Variants in SLC13A1 observed in about 807,000 individuals in gnomAD.
The protein encoded by SLC13A1 is Na(+)/sulfate cotransporter.
SLC13A1 carries 65 observed loss-of-function variants against 70.0 expected under a neutral mutation model. The observed-to-expected ratio is 0.93, with a 90% CI of 0.76 to 1.14. The LOEUF (loss-of-function observed/expected upper bound fraction) is 1.14. SLC13A1 is among the 50% of genes most tolerant of loss of function. The pLI is 0.00. For synonymous variants in SLC13A1, 275 were observed against 250.5 expected, an observed-to-expected ratio of 1.10 and a Z score of -0.92; for missense variants, 726 against 717.8, an observed-to-expected ratio of 1.01 and a Z score of -0.13.
intron 7 of SLC13A1, among the ~76,000 whole-genome samples, chr7:123,138,657 T>C (rs1190116297): frequency 2.0e-5 from 3 of 152,192 alleles, no homozygotes; most frequent in Admixed American, 1.3e-4. Context: ...GATTTACATT[T>C]CTCTGATGAT....
chr7:123,190,410 C>T, intron 1 of SLC13A1: 1 of 351,918 alleles, frequency 2.8e-6, no homozygotes, highest in South Asian at 2.2e-5. Flanking sequence ...CTTACTCTTT[C>T]CAGAATTGTT....
chr7:123,119,234 T>A lies in SLC13A1; in HGVS notation c.1359A>T (p.Gly453=). 6.3e-7 allele frequency: 1 copy of A among 1,595,602 alleles called. No individual in the cohort carries two copies. Among genetic ancestry groups the A allele is most frequent in the East Asian group, 2.3e-5 (1 of 44,152 alleles). ...ATTTATTTCCTATCCACTTAGATAA[T>A]CCAGACTCCTAAAAAACAAATTTGC... The part of the protein sequence containing the change: ...FALADGCEES[G]LSKWIGNKLS... Residue 453 remains glycine, a synonymous_variant, in exon 13 of 15, where the codon GGA becomes GGT. Transcript: ENST00000194130.
chr7:123,121,998 C>T (rs1793397219), intron 12 of SLC13A1, among the ~76,000 whole-genome samples: 1 of 152,064 alleles, frequency 6.6e-6, no homozygotes, highest in Non-Finnish European at 1.5e-5. Flanking sequence ...TTATAGCAAA[C>T]TAGACCTCCC....
In SLC13A1 at chr7:123,186,336, G is replaced by A. The variant is rs76978285; in HGVS notation, c.100-5235C>T. 8.3e-3 allele frequency among the ~76,000 whole-genome samples: 1,266 copies of A among 152,044 alleles called. 18 individuals carry two copies. The highest frequency in any genetic ancestry group is 0.028 in the African/African-American group (1,174 of 41,456). Reference sequence around the variant, plus strand: ...CTGATGAAGAAGAAAACTACTCAGAGGTTGTGGAACTGTGTTGCAACTAAA... The same window carrying A: ...CTGATGAAGAAGAAAACTACTCAGAAGTTGTGGAACTGTGTTGCAACTAAA... On this transcript the variant is annotated intron_variant, in intron 1 of 14. Coordinates refer to ENST00000194130, the MANE Select transcript of SLC13A1 (RefSeq NM_022444.4).
chr7:123,185,859 T>C (rs1207759303), intron 1 of SLC13A1, among the ~76,000 whole-genome samples: 1 of 152,106 alleles, frequency 6.6e-6, no homozygotes, highest in East Asian at 1.9e-4. Flanking sequence ...AGTGTTATTG[T>C]AGAGTTTCCT....
intron 2 of SLC13A1, among the ~76,000 whole-genome samples, chr7:123,180,471 A>G (rs2116612624): frequency 6.6e-6 from 1 of 152,262 alleles, no homozygotes. Context: ...TAGATTGTAT[A>G]GAACAAATAA....
At chr7:123,157,700 C>G (rs558803229) in intron 6 of SLC13A1, among the ~76,000 whole-genome samples, 1 of 152,040 alleles carries the variant, frequency 6.6e-6, no homozygotes, top group East Asian at 1.9e-4. Context: ...AATCAGATTC[C>G]CATGCTAAAT....
At chr7:123,194,517 A>G (rs1403934516) in intron 1 of SLC13A1, among the ~76,000 whole-genome samples, 1 of 152,082 alleles carries the variant, frequency 6.6e-6, no homozygotes, top group Non-Finnish European at 1.5e-5. Context: ...CCATTGAAAA[A>G]TTTTGATTTT....
chr7:123,151,384 GTGTA>G (rs1021659049), intron 6 of SLC13A1, among the ~76,000 whole-genome samples: 1 of 133,502 alleles, frequency 7.5e-6, no homozygotes, highest in African/African-American at 3.2e-5. Flanking sequence ...GTGTGTGTGT[GTGTA>G]TATATATATA....
At chr7:123,174,393 A>G (rs953393070) in intron 2 of SLC13A1, among the ~76,000 whole-genome samples, 1 of 152,150 alleles carries the variant, frequency 6.6e-6, no homozygotes, top group Non-Finnish European at 1.5e-5. Context: ...CTTTGTAGTT[A>G]ATGTAAACAT....
chr7:123,118,971 G>C, intron 13 of SLC13A1, 110 bp downstream of exon 13: 1 of 852,210 alleles, frequency 1.2e-6, no homozygotes, highest in Non-Finnish European at 1.8e-6. Context: ...TTACTTACAG[G>C]AGGCCCATTT....
intron 3 of SLC13A1, among the ~76,000 whole-genome samples, chr7:123,171,329 T>A (rs1280075655): frequency 6.6e-6 from 1 of 152,224 alleles, no homozygotes; most frequent in Non-Finnish European, 1.5e-5. Context: ...TGCACACATT[T>A]GTATTTTGTC....
At chr7:123,197,982 C>G (rs1367578694) in intron 1 of SLC13A1, among the ~76,000 whole-genome samples, 1 of 152,016 alleles carries the variant, frequency 6.6e-6, no homozygotes, top group Non-Finnish European at 1.5e-5. Flanking sequence ...TGGTAATGAC[C>G]TAAATTTGTC....
At chr7:123,187,331 T>G (rs1040548523) in intron 1 of SLC13A1, among the ~76,000 whole-genome samples, 7 of 152,120 alleles carry the variant, frequency 4.6e-5, no homozygotes, top group Non-Finnish European at 8.8e-5. Context: ...ATTAGAAGCT[T>G]TTTAGCAGTG....
At chr7:123,139,214 GAGTT>G (rs1388013243) in intron 7 of SLC13A1, among the ~76,000 whole-genome samples, 7 of 152,138 alleles carry the variant, frequency 4.6e-5, no homozygotes, top group Non-Finnish European at 1.0e-4. Context: ...TGTCGAAAAT[GAGTT>G]CACTGTAGGT....
At chr7:123,146,074 A>G (rs770975452) in intron 7 of SLC13A1, among the ~76,000 whole-genome samples, 22 of 152,186 alleles carry the variant, frequency 1.4e-4, no homozygotes, top group African/African-American at 2.2e-4. Context: ...ATATGACACC[A>G]TGGACTTTCA....
In SLC13A1 at chr7:123,147,186, T is replaced by A; in HGVS notation, c.785A>T (p.Asn262Ile). 1 of 1,613,714 alleles carries A rather than the reference T, an allele frequency of 6.2e-7. No homozygotes were observed. The highest frequency in any genetic ancestry group is 1.1e-5 in the South Asian group (1 of 91,070). Residue 262 changes from asparagine to isoleucine, a missense_variant, in exon 7 of 15, where the codon AAC (asparagine) becomes ATC (isoleucine). Physicochemically the swap from Asn to Ile is moderately radical, Grantham distance 149. Transcript: ENST00000194130. ...GLTTITGTST[N>I]LIFAEYFNTR... ...ATTGAAATACTCTGCAAAGATCAAG[T>A]TGGTGGAGGTACCAGTGATTGTTGT...
chr7:123,194,621 G>T (rs910096579), intron 1 of SLC13A1, among the ~76,000 whole-genome samples: 1 of 151,980 alleles, frequency 6.6e-6, no homozygotes, highest in South Asian at 2.1e-4. Flanking sequence ...ATGAAAGAAA[G>T]AGAAAGACAG....
chr7:123,191,825 A>T lies in SLC13A1; in HGVS notation c.99+8023T>A, dbSNP rs181894908. On this transcript the variant is annotated intron_variant, in intron 1 of 14. Transcript: ENST00000194130. The stretch of plus-strand genomic sequence containing the variant: ...AGAGTTGAGATTTGTCCATGTATAA[A>T]CTCTATCAGAGTATATATTTTTAAA... Among the ~76,000 whole-genome samples the T allele has an allele frequency of 2.6e-5, 4 of 152,038 alleles. No individual in the cohort carries two copies. The East Asian group carries it at 5.8e-4, about 22-fold the overall frequency.
Sources: allele counts gnomAD v4.1 joint callset (sites outside exome capture counted in the v4.1 genomes callset), GRCh38; gene constraint gnomAD v4.1.1; transcripts MANE v1.5; gene names NCBI Gene and HGNC (gene_info 2026-07-23, HGNC 2026-07-21).